The following GALNTL6 variants were observed in gnomAD, a reference collection of about 807,000 sequenced individuals.
GALNTL6 encodes the protein polypeptide N-acetylgalactosaminyltransferase-like 6.
Under a neutral mutation model 73.7 loss-of-function variants are expected in GALNTL6, and 46 were observed. The observed-to-expected ratio is 0.62, with a 90% CI of 0.49 to 0.80. The LOEUF (loss-of-function observed/expected upper bound fraction) is 0.80, where lower values mean the gene tolerates loss of function less well. GALNTL6 is among the 30% of genes least tolerant of loss of function. The pLI is 0.00. For missense variants in GALNTL6, 604 were observed against 755.0 expected (o/e 0.80, Z 2.34); for synonymous variants, 259 against 263.7 (o/e 0.98, Z 0.17).
chr4:172,346,920 G>A (rs1561038145), intron 4 of GALNTL6, among the ~76,000 whole-genome samples: 1 of 150,602 alleles, frequency 6.6e-6, no homozygotes, highest in East Asian at 2.0e-4. Context: ...CCCTTTCTCT[G>A]ATTGGATTGT....
chr4:172,370,105 G>T (rs1319595007), intron 5 of GALNTL6, among the ~76,000 whole-genome samples: 1 of 152,144 alleles, frequency 6.6e-6, no homozygotes, highest in African/African-American at 2.4e-5. Flanking sequence ...TTCTGGATAG[G>T]GGTGAAGAAG....
chr4:172,905,016 G>T (rs1023244367), intron 8 of GALNTL6, among the ~76,000 whole-genome samples: 2 of 152,162 alleles, frequency 1.3e-5, no homozygotes, highest in South Asian at 2.1e-4. Context: ...TATTTACATT[G>T]TATCCCTAAG....
intron 2 of GALNTL6, among the ~76,000 whole-genome samples, chr4:172,213,228 T>C (rs926721499): frequency 3.3e-5 from 5 of 152,226 alleles, no homozygotes. Flanking sequence ...GTGGGGATTG[T>C]AAATAAAGCT....
chr4:172,742,246 T>G (rs1379025010), intron 5 of GALNTL6, among the ~76,000 whole-genome samples: 1 of 151,980 alleles, frequency 6.6e-6, no homozygotes, highest in Non-Finnish European at 1.5e-5. Context: ...GGGTTTCTCT[T>G]GGTAGCTTTA....
chr4:172,677,001 A>T (rs1449094929), intron 5 of GALNTL6, among the ~76,000 whole-genome samples: 1 of 152,218 alleles, frequency 6.6e-6, no homozygotes, highest in Non-Finnish European at 1.5e-5. Context: ...CTGAAATGCT[A>T]GATAGAATCT....
chr4:171,814,336 A>G lies in GALNTL6; in HGVS notation c.-169-76A>G, dbSNP rs1456433753. The G allele has an allele frequency of 3.0e-5, 17 of 564,942 alleles. No individual in the cohort carries two copies. The Admixed American group carries it at 5.5e-4, about 18-fold the overall frequency. The allele number at this position is 564,942 out of a possible 1,614,324, so 35.0% of individuals were successfully genotyped here. On this transcript the variant is annotated intron_variant, in intron 1 of 12. Coordinates refer to ENST00000506823, the MANE Select transcript of GALNTL6 (RefSeq NM_001034845.3). ...GCTTAATGATTTCTTTAGTCAAGTC[A>G]TTTATTTCTAAGCCAATAGATAATG...
intron 5 of GALNTL6, among the ~76,000 whole-genome samples, chr4:172,496,333 G>T (rs1253238022): frequency 6.6e-6 from 1 of 152,106 alleles, no homozygotes; most frequent in Non-Finnish European, 1.5e-5. Context: ...TGGCTAAAGA[G>T]TCAATTTCTG....
At chr4:173,035,140 A>G (rs1450260663) in intron 12 of GALNTL6, among the ~76,000 whole-genome samples, 2 of 151,284 alleles carry the variant, frequency 1.3e-5, no homozygotes, top group South Asian at 2.1e-4. Flanking sequence ...ACATGTGCAC[A>G]ACATGCAGGT....
At chr4:172,984,938 G>A (rs1385030539) in intron 10 of GALNTL6, among the ~76,000 whole-genome samples, 4 of 152,130 alleles carry the variant, frequency 2.6e-5, no homozygotes, top group Non-Finnish European at 5.9e-5. Flanking sequence ...AGAAGATTAT[G>A]CTGTGTTAAC....
chr4:171,963,830 G>A (rs552720867), intron 2 of GALNTL6, among the ~76,000 whole-genome samples: 3 of 152,224 alleles, frequency 2.0e-5, no homozygotes, highest in African/African-American at 7.2e-5. Context: ...ATTATCCGTG[G>A]GTTTCTTATA....
intron 5 of GALNTL6, among the ~76,000 whole-genome samples, chr4:172,642,858 A>T (rs115997745): frequency 0.013 from 2,036 of 152,012 alleles, 42 homozygotes; most frequent in African/African-American, 0.046. Context: ...ATTAAATTTT[A>T]AAAAATTTGA....
chr4:171,936,257 G>A (rs1465219992), intron 2 of GALNTL6, among the ~76,000 whole-genome samples: 1 of 152,058 alleles, frequency 6.6e-6, no homozygotes, highest in Non-Finnish European at 1.5e-5. Context: ...GACCAAGTGG[G>A]TACAAAAACC....
At chr4:172,639,908 G>A (rs1241011891) in intron 5 of GALNTL6, among the ~76,000 whole-genome samples, 2 of 152,080 alleles carry the variant, frequency 1.3e-5, no homozygotes, top group African/African-American at 4.8e-5. Context: ...CATCATCAAA[G>A]TTTTCTCTAT....
intron 5 of GALNTL6, among the ~76,000 whole-genome samples, chr4:172,557,276 C>T (rs1490622762): frequency 1.3e-5 from 2 of 152,082 alleles, no homozygotes; most frequent in East Asian, 3.9e-4. Context: ...ATAGTAGTTT[C>T]CTCATACATT....
chr4:172,670,992 C>A (rs997637275), intron 5 of GALNTL6, among the ~76,000 whole-genome samples: 1 of 152,104 alleles, frequency 6.6e-6, no homozygotes, highest in Non-Finnish European at 1.5e-5. Context: ...GTTATCTATT[C>A]TGTTCCATTG....
chr4:172,123,712 GATGGTCT>G, intron 2 of GALNTL6, among the ~76,000 whole-genome samples: 1 of 151,882 alleles, frequency 6.6e-6, no homozygotes, highest in Admixed American at 6.6e-5. Flanking sequence ...TGTTGGCCAG[GATGGTCT>G]TGATCTCTTG....
chr4:172,561,146 G>C (rs373703974), intron 5 of GALNTL6, among the ~76,000 whole-genome samples: 2 of 151,078 alleles, frequency 1.3e-5, no homozygotes, highest in Admixed American at 6.6e-5. Flanking sequence ...CCAGCTACTC[G>C]GGAGGCTGAG....
At chr4:172,617,577 C>T (rs939857768) in intron 5 of GALNTL6, among the ~76,000 whole-genome samples, 5 of 151,930 alleles carry the variant, frequency 3.3e-5, no homozygotes, top group Non-Finnish European at 5.9e-5. Context: ...CCTGGGTTCA[C>T]GCCATTCTCC....
intron 5 of GALNTL6, among the ~76,000 whole-genome samples, chr4:172,740,538 G>T (rs1305765100): frequency 6.6e-6 from 1 of 152,150 alleles, no homozygotes; most frequent in Non-Finnish European, 1.5e-5. Flanking sequence ...TACACATTGA[G>T]GGGAAAAATT....
Sources: gnomAD v4.1 joint callset for allele counts (sites outside exome capture counted in the v4.1 genomes callset) on GRCh38, gnomAD v4.1.1 for gene constraint, MANE v1.5 for transcripts, NCBI Gene and HGNC (gene_info 2026-07-23, HGNC 2026-07-21) for gene names.